KIF14: variants seen among roughly 807,000 people sequenced by gnomAD.
The protein encoded by KIF14 is kinesin-like protein KIF14.
Under a neutral mutation model 176.2 loss-of-function variants are expected in KIF14, and 98 were observed. That is an observed-to-expected ratio of 0.56 (90% confidence interval 0.47 to 0.66). The LOEUF (loss-of-function observed/expected upper bound fraction) is 0.66, where lower values mean the gene tolerates loss of function less well. Ranked by LOEUF, KIF14 falls within the 30% of genes least tolerant of loss-of-function variation. The pLI is 0.00. For synonymous variants in KIF14, 566 were observed against 632.2 expected, an observed-to-expected ratio of 0.90 and a Z score of 1.57; for missense variants, 1,751 against 1,920.4, an observed-to-expected ratio of 0.91 and a Z score of 1.65.
At chr1:200,605,830 C>T in intron 7 of KIF14, 34 bp downstream of exon 7, 1 of 1,297,510 alleles carries the variant, frequency 7.7e-7, no homozygotes, top group Non-Finnish European at 1.1e-6. Context: ...TATGCTCTTT[C>T]TATCTAGTGA....
At chr1:200,589,490 G>T (rs1007772859) in intron 17 of KIF14, 121 bp from the exon 18 acceptor site, 11 of 759,448 alleles carry the variant, frequency 1.4e-5, no homozygotes, top group Non-Finnish European at 2.2e-5. Context: ...CCCTATTAAA[G>T]CTTCTCCACT....
chr1:200,606,827 G>C (rs369982499), intron 5 of KIF14, 29 bp from the exon 6 acceptor site: 4 of 1,542,568 alleles, frequency 2.6e-6, no homozygotes, highest in Middle Eastern at 3.4e-4. Flanking sequence ...TGCATCATTA[G>C]GAGTATGACA....
intron 19 of KIF14, among the ~76,000 whole-genome samples, chr1:200,585,256 A>G (rs1658674109): frequency 6.6e-6 from 1 of 151,740 alleles, no homozygotes. Context: ...AAAAAAAAGA[A>G]CTAGGTGAGG....
In KIF14 at chr1:200,593,241, A is replaced by G. The variant is rs141400804; in HGVS notation, c.2652+426T>C. 4.5e-4 allele frequency among the ~76,000 whole-genome samples: 68 copies of G among 152,348 alleles called. 3 individuals carry two copies. The East Asian group carries it at 0.013, about 29-fold the overall frequency. ...GAAAGGCAGGATATATAGAGTCACA[A>G]TAGGTCTGGGTTTGCCTGTAACACA... On this transcript the variant is annotated intron_variant, in intron 15 of 29. Transcript: ENST00000367350.
At chr1:200,576,407 G>A (rs572800482) in intron 21 of KIF14, among the ~76,000 whole-genome samples, 1 of 150,856 alleles carries the variant, frequency 6.6e-6, no homozygotes, top group East Asian at 1.9e-4. Flanking sequence ...GAACCCGGGA[G>A]GCGGAGCTTG....
intron 22 of KIF14, among the ~76,000 whole-genome samples, chr1:200,570,517 G>A (rs1303462133): frequency 3.3e-5 from 5 of 152,186 alleles, no homozygotes; most frequent in Non-Finnish European, 7.3e-5. Flanking sequence ...CAAGCAACAG[G>A]AAGACCTGAT....
Position 200,605,292 on chromosome 1 carries a change from G to T in KIF14, c.1737C>A (p.Thr579=). The T allele has an allele frequency of 6.2e-7, 1 of 1,610,792 alleles. No homozygotes were observed. ...RSHSVFTLVM[T]QTKTEFVEGE... is the part of the protein sequence containing the mutation. ...CTTTTAAAAAAAATACCTTGGTCTGGGTCATCACCAGGGTGAAAACTGAAT... is the reference window on the plus strand; with the variant it reads ...CTTTTAAAAAAAATACCTTGGTCTGTGTCATCACCAGGGTGAAAACTGAAT... The change falls in exon 8 of 30, where the codon ACC becomes ACA. Residue 579 remains threonine (T), a synonymous_variant. Coordinates refer to ENST00000367350, the MANE Select transcript of KIF14 (RefSeq NM_014875.3).
intron 2 of KIF14, among the ~76,000 whole-genome samples, chr1:200,617,195 T>G (rs1297073699): frequency 1.3e-5 from 2 of 152,194 alleles, no homozygotes; most frequent in African/African-American, 4.8e-5. Flanking sequence ...CTCAAACCCC[T>G]GGCCTCAAGT....
At chr1:200,560,143 G>T (rs565912349) in intron 26 of KIF14, among the ~76,000 whole-genome samples, 1 of 152,270 alleles carries the variant, frequency 6.6e-6, no homozygotes, top group East Asian at 1.9e-4. Context: ...GTATTACAAC[G>T]TTTTTTCATG....
Position 200,592,239 on chromosome 1 carries a change from C to A in KIF14, c.2654G>T (p.Gly885Val). 1 of 1,598,670 alleles carries A rather than the reference C, an allele frequency of 6.3e-7. No individual in the cohort carries two copies. Among genetic ancestry groups the A allele is most frequent in the East Asian group, 2.2e-5 (1 of 44,776 alleles). The change falls in exon 16 of 30, where the codon GGT becomes GTT. Residue 885 changes from glycine to valine, a missense_variant and splice_region_variant. Coordinates refer to ENST00000367350, the MANE Select transcript of KIF14 (RefSeq NM_014875.3). ...HILEITVLRH[G>V]DRVILGGDHY... ...ATCTCCACCAAGAATCACTCGATCA[C>A]CCTAAAGCACACAAAAAAATGTACT...
At position 200,580,339 on chromosome 1, in the gene KIF14, A is replaced by T; in HGVS notation, c.3380T>A (p.Val1127Asp). 1 of 1,527,330 alleles carries T rather than the reference A, an allele frequency of 6.5e-7. No individual in the cohort carries two copies. 94.6% of individuals were successfully genotyped at this position (1,527,330 alleles called of 1,614,324 possible). The change falls in exon 21 of 30, where the codon GTT becomes GAT. Residue 1127 changes from valine (V) to aspartate (D), a missense_variant. By Grantham distance (152) the Val-to-Asp change is radical. Coordinates refer to ENST00000367350, the MANE Select transcript of KIF14 (RefSeq NM_014875.3). ...TGAGATTCCTAGTTTCAGGTTACGA[A>T]CCCGAATAGAAGTGTCAGAACTACT... ...DKSSSDTSIR[V>D]RNLKLGISTF...
At position 200,580,358 on chromosome 1, in the gene KIF14, A is replaced by G; in HGVS notation, c.3361T>C (p.Ser1121Pro). The G allele has an allele frequency of 6.6e-7, 1 of 1,518,008 alleles. No individual in the cohort carries two copies. The highest frequency in any genetic ancestry group is 8.9e-7 in the Non-Finnish European group (1 of 1,127,590). The allele number at this position is 1,518,008 out of a possible 1,614,324, so 94.0% of individuals were successfully genotyped here. A position where few individuals can be genotyped will look rare whatever the true frequency, so the allele number is the denominator to read the frequency against. Residue 1121 changes from serine (S) to proline (P), a missense_variant, in exon 21 of 30, where the codon TCT becomes CCT. Transcript: ENST00000367350. ...GRHDISDKSS[S>P]DTSIRVRNLK... ...TTACGAACCCGAATAGAAGTGTCAG[A>G]ACTACTTTTATCTGATATATCATGT...
chr1:200,593,629 T>C (rs144403321), intron 15 of KIF14, 38 bp downstream of exon 15: 2 of 1,259,610 alleles, frequency 1.6e-6, no homozygotes, highest in East Asian at 2.3e-5. Context: ...TTATCCAAAG[T>C]CGAACAGTTT....
At chr1:200,615,675 C>T (rs1215369811) in intron 2 of KIF14, 66 bp from the exon 3 acceptor site, 2 of 1,311,796 alleles carry the variant, frequency 1.5e-6, no homozygotes, top group East Asian at 4.6e-5. Context: ...TCTCACAGAA[C>T]ATAATAAATA....
At position 200,561,690 on chromosome 1, in the gene KIF14, T is replaced by C. The variant is rs148553796; in HGVS notation, c.4072-810A>G. Among the ~76,000 whole-genome samples the C allele has an allele frequency of 5.1e-3, 772 of 152,060 alleles. 11 individuals carry two copies. The highest frequency in any genetic ancestry group is 0.018 in the African/African-American group (751 of 41,452). On this transcript the variant is annotated intron_variant, in intron 25 of 29. Coordinates refer to ENST00000367350, the MANE Select transcript of KIF14 (RefSeq NM_014875.3). ...AAACATCTGTGGCTGCTAAAGGTGATAAAATGAGTAAGATATAGTCTCCAC... is the reference window on the plus strand; with the variant it reads ...AAACATCTGTGGCTGCTAAAGGTGACAAAATGAGTAAGATATAGTCTCCAC...
intron 7 of KIF14, 40 bp downstream of exon 7, chr1:200,605,824 C>T: frequency 8.2e-7 from 1 of 1,219,804 alleles, no homozygotes; most frequent in Non-Finnish European, 1.2e-6. Context: ...TAGGATTATG[C>T]TCTTTCTATC....
At position 200,618,479 on chromosome 1, in the gene KIF14, G is replaced by C. The variant is rs1204108497; in HGVS notation, c.245C>G (p.Pro82Arg). ...SRKTADMPLT[P>R]NPVGRLALQR... ...AAGTGCCAATCTACCTACAGGATTAGGGGTAAGGGGCATGTCTGCTGTTTT... is the reference window on the plus strand; with the variant it reads ...AAGTGCCAATCTACCTACAGGATTACGGGTAAGGGGCATGTCTGCTGTTTT... Residue 82 changes from proline (P) to arginine (R), a missense_variant, in exon 2 of 30, where the codon CCT becomes CGT. Transcript: ENST00000367350. 1 of 1,614,076 alleles carries C rather than the reference G, an allele frequency of 6.2e-7. No individual in the cohort carries two copies. The highest frequency in any genetic ancestry group is 8.5e-7 in the Non-Finnish European group (1 of 1,180,030).
intron 14 of KIF14, among the ~76,000 whole-genome samples, chr1:200,594,172 T>A (rs957232813): frequency 1.3e-5 from 2 of 151,770 alleles, no homozygotes; most frequent in African/African-American, 4.8e-5. Flanking sequence ...TGACCTCAAG[T>A]GATCCACCTG....
Position 200,592,085 on chromosome 1 carries a change from T to C in KIF14, c.2808A>G (p.Arg936=). ...FAKNELLMAQ[R]SQLEAEIKEA... ...CATATCAACAGCATACTTACTGTGA[T>C]CTCTGTGCCATGAGCAACTCATTTT... The change falls in exon 16 of 30, where the codon AGA becomes AGG. Residue 936 remains arginine, a synonymous_variant. Coordinates refer to ENST00000367350, the MANE Select transcript of KIF14 (RefSeq NM_014875.3). 1 of 1,612,244 alleles carries C rather than the reference T, an allele frequency of 6.2e-7. No homozygotes were observed. Among genetic ancestry groups the C allele is most frequent in the Non-Finnish European group, 8.5e-7 (1 of 1,179,202 alleles).
Sources: allele counts gnomAD v4.1 joint callset (sites outside exome capture counted in the v4.1 genomes callset), GRCh38; gene constraint gnomAD v4.1.1; transcripts MANE v1.5; gene names NCBI Gene and HGNC (gene_info 2026-07-23, HGNC 2026-07-21).